ESRRG: variants seen among roughly 807,000 people sequenced by gnomAD.
ESRRG encodes the protein estrogen-related receptor gamma.
A neutral mutation model predicts 44.0 loss-of-function variants in ESRRG; 13 were observed. That is an observed-to-expected ratio of 0.30 (90% CI 0.19 to 0.47). ESRRG has a LOEUF of 0.47. ESRRG is among the 20% of genes least tolerant of loss of function. ESRRG has a pLI of 1.00. For synonymous variants in ESRRG, 215 were observed against 214.6 expected (o/e 1.00, Z -0.02); for missense variants, 395 against 580.6 (o/e 0.68, Z 3.29).
chr1:216,904,043 C>G (rs1393085274), intron 2 of ESRRG, among the ~76,000 whole-genome samples: 5 of 152,176 alleles, frequency 3.3e-5, no homozygotes, highest in Non-Finnish European at 5.9e-5. Context: ...ACCTGCAAAA[C>G]AAGCATAGTG....
chr1:216,529,537 T>G (rs532211767), intron 5 of ESRRG, among the ~76,000 whole-genome samples: 95 of 152,308 alleles, frequency 6.2e-4, no homozygotes, highest in African/African-American at 2.1e-3. Context: ...CAAAAAGAGA[T>G]AGGCATGCCT....
intron 1 of ESRRG, among the ~76,000 whole-genome samples, chr1:217,124,308 G>A (rs1374925435): frequency 6.6e-6 from 1 of 152,182 alleles, no homozygotes; most frequent in African/African-American, 2.4e-5. Flanking sequence ...AAAGCAGTTT[G>A]TCTCAAGTAT....
At chr1:216,741,448 A>C (rs2090720439) in intron 2 of ESRRG, among the ~76,000 whole-genome samples, 1 of 141,150 alleles carries the variant, frequency 7.1e-6, no homozygotes. Context: ...ACACACCCCA[A>C]AATACCCCCC....
At chr1:216,754,906 C>T (rs927781588) in intron 2 of ESRRG, among the ~76,000 whole-genome samples, 1 of 151,738 alleles carries the variant, frequency 6.6e-6, no homozygotes, top group Non-Finnish European at 1.5e-5. Context: ...TCCATCCATT[C>T]ATTCAACAAA....
intron 1 of ESRRG, among the ~76,000 whole-genome samples, chr1:216,703,808 T>C (rs2081938982): frequency 6.6e-6 from 1 of 151,758 alleles, no homozygotes; most frequent in Non-Finnish European, 1.5e-5. Context: ...CAAAAAAGAA[T>C]GGGTGAATGG....
At chr1:217,013,990 A>G (rs926715543) in intron 1 of ESRRG, among the ~76,000 whole-genome samples, 3 of 152,122 alleles carry the variant, frequency 2.0e-5, no homozygotes, top group African/African-American at 7.2e-5. Flanking sequence ...ATAATGCTTT[A>G]TCAGAGCAAT....
At chr1:217,085,475 C>T (rs371559305) in intron 1 of ESRRG, among the ~76,000 whole-genome samples, 26 of 96,682 alleles carry the variant, frequency 2.7e-4, no homozygotes, top group African/African-American at 3.9e-4. Flanking sequence ...TTTTTCTTTT[C>T]TTTTCATTTT....
At chr1:217,075,219 A>G (rs1028516764) in intron 1 of ESRRG, among the ~76,000 whole-genome samples, 5 of 152,168 alleles carry the variant, frequency 3.3e-5, no homozygotes, top group African/African-American at 1.2e-4. Flanking sequence ...GAAACCAGCA[A>G]CAGTTTACTG....
rs537117333 is a variant in ESRRG at position 216,840,816 on chromosome 1, A to T, written c.-14+98766T>A. On this transcript the variant is annotated intron_variant, in intron 2 of 7. Coordinates refer to the ESRRG transcript ENST00000359162. ...GAATACATATAACATTTACTGATTA[A>T]GTTCTTGGTCTTATATGGGTATGGT... 4.6e-5 allele frequency among the ~76,000 whole-genome samples: 7 copies of T among 152,286 alleles called. No homozygotes were observed. In the South Asian group the frequency reaches 1.4e-3, roughly 32 times the overall value.
intron 2 of ESRRG, among the ~76,000 whole-genome samples, chr1:216,768,464 A>G (rs145439508): frequency 2.9e-5 from 4 of 139,960 alleles, no homozygotes; most frequent in African/African-American, 5.2e-5. Flanking sequence ...CTATCTATCT[A>G]TCTATCTATC....
intron 3 of ESRRG, among the ~76,000 whole-genome samples, chr1:216,605,388 A>C (rs1573968672): frequency 6.6e-6 from 1 of 152,170 alleles, no homozygotes; most frequent in African/African-American, 2.4e-5. Context: ...TTAAAAAAAA[A>C]CAAAGTGTGA....
At chr1:217,129,644 T>C (rs7533486) in intron 1 of ESRRG, among the ~76,000 whole-genome samples, 4,411 of 152,278 alleles carry the variant, frequency 0.029, 87 homozygotes, top group African/African-American at 0.032. Context: ...CATGTTACAA[T>C]ATGGATGAAC....
chr1:216,698,433 G>A (rs147388019), intron 1 of ESRRG, among the ~76,000 whole-genome samples: 3,376 of 151,110 alleles, frequency 0.022, 62 homozygotes, highest in Non-Finnish European at 0.035. Flanking sequence ...GCAGGAGAAC[G>A]GCGTGAACCC....
At chr1:217,071,163 A>T (rs1358135671) in intron 1 of ESRRG, among the ~76,000 whole-genome samples, 1 of 152,200 alleles carries the variant, frequency 6.6e-6, no homozygotes, top group Non-Finnish European at 1.5e-5. Flanking sequence ...ATTGCTTTTT[A>T]TTGTGATTGC....
At chr1:216,871,542 C>G (rs575570828) in intron 2 of ESRRG, among the ~76,000 whole-genome samples, 2 of 151,852 alleles carry the variant, frequency 1.3e-5, no homozygotes, top group Non-Finnish European at 2.9e-5. Context: ...TTTTTTCTCT[C>G]TTAGTTTTAA....
intron 1 of ESRRG, among the ~76,000 whole-genome samples, chr1:217,073,174 C>T (rs932889406): frequency 8.1e-6 from 1 of 123,212 alleles, no homozygotes; most frequent in Non-Finnish European, 1.6e-5. Flanking sequence ...TCTGCTGGCA[C>T]CTTGTCTTCA....
rs148354268 is a variant in ESRRG at position 217,085,481 on chromosome 1, A to ATTTTTTTTTTT, written c.-106+4015_-106+4025dup. ...TTTTCTTTCTTTTTCTTTTCTTTTCATTTTTTTTTTTTTTTTTTTTTTTTT... is the reference window on the plus strand; with the variant it reads ...TTTTCTTTCTTTTTCTTTTCTTTTCATTTTTTTTTTTTTTTTTTTTTTTTTTTTTTTTTTTT... On this transcript the variant is annotated intron_variant, in intron 1 of 7. Transcript: ENST00000359162. Among the ~76,000 whole-genome samples, 36 of 49,130 alleles carry ATTTTTTTTTTT rather than the reference A, an allele frequency of 7.3e-4. 3 individuals carry two copies. Among genetic ancestry groups the ATTTTTTTTTTT allele is most frequent in the African/African-American group, 3.3e-3 (36 of 10,834 alleles). The allele number at this position is 49,130 out of a possible 152,430, so 32.2% of individuals were successfully genotyped here. A position where few individuals can be genotyped will look rare whatever the true frequency, so the allele number is the denominator to read the frequency against.
intron 2 of ESRRG, among the ~76,000 whole-genome samples, chr1:216,670,719 G>A (rs1030851729): frequency 6.6e-5 from 10 of 152,244 alleles, no homozygotes; most frequent in Middle Eastern, 3.4e-3. Context: ...CCTGGGCGTG[G>A]TCAAGGAACA....
intron 1 of ESRRG, among the ~76,000 whole-genome samples, chr1:217,084,133 TAA>T (rs34135419): frequency 2.1e-4 from 29 of 141,008 alleles, no homozygotes; most frequent in East Asian, 1.2e-3. Flanking sequence ...AAGAATGGAT[TAA>T]AAAAAAAAAA....
Sources: gnomAD v4.1 joint callset for allele counts (sites outside exome capture counted in the v4.1 genomes callset) on GRCh38, gnomAD v4.1.1 for gene constraint, MANE v1.5 for transcripts, NCBI Gene and HGNC (gene_info 2026-07-23, HGNC 2026-07-21) for gene names.